Variants in PKP2 observed in about 807,000 individuals in gnomAD.
The protein encoded by PKP2 is plakophilin 2.
A neutral mutation model predicts 83.4 loss-of-function variants in PKP2; 73 were observed. The ratio of observed to expected loss-of-function variants is 0.88; its 90% CI spans 0.72 to 1.06. The LOEUF (loss-of-function observed/expected upper bound fraction) is 1.06. Ranked by LOEUF, PKP2 falls within the 50% of genes least tolerant of loss-of-function variation. The probability of loss-of-function intolerance (pLI) is 0.00; values close to 1 mark genes in which losing one functional copy is unlikely to be tolerated. For missense variants in PKP2, 966 were observed against 1,065.4 expected, an observed-to-expected ratio of 0.91 and a Z score of 1.30; for synonymous variants, 409 against 430.4, an observed-to-expected ratio of 0.95 and a Z score of 0.62.
intron 6 of PKP2, among the ~76,000 whole-genome samples, chr12:32,832,181 A>G (rs1214491659): frequency 6.6e-6 from 1 of 152,122 alleles, no homozygotes; most frequent in Admixed American, 6.5e-5. Context: ...GATTGAGACT[A>G]TCCTGGCCAA....
In PKP2 at chr12:32,816,314, G is replaced by A. The variant is rs533999199; in HGVS notation, c.2013+5042C>T. ...TGAGTAACCATGGTTTAACTCCCAC[G>A]TATAAGTGGGAGAATATGTGGTATT... On this transcript the variant is annotated intron_variant, in intron 9 of 12. Transcript: ENST00000340811. 2.0e-4 allele frequency among the ~76,000 whole-genome samples: 31 copies of A among 152,152 alleles called. No individual in the cohort carries two copies. In the South Asian group the frequency reaches 6.0e-3, roughly 30 times the overall value.
intron 1 of PKP2, among the ~76,000 whole-genome samples, chr12:32,883,142 G>T: frequency 6.6e-6 from 1 of 152,020 alleles, no homozygotes; most frequent in East Asian, 1.9e-4. Context: ...TTGGAAACAG[G>T]GAAAAAAATA....
intron 6 of PKP2, among the ~76,000 whole-genome samples, chr12:32,839,325 GA>G (rs1956568575): frequency 6.7e-6 from 1 of 148,918 alleles, no homozygotes; most frequent in South Asian, 2.1e-4. Context: ...TCAAGGCCAG[GA>G]AAAAACTTTC....
chr12:32,801,518 C>T (rs148685039), intron 10 of PKP2, among the ~76,000 whole-genome samples: 12 of 152,260 alleles, frequency 7.9e-5, no homozygotes, highest in Non-Finnish European at 1.8e-4. Flanking sequence ...TGCTGGCTGG[C>T]TTTGAAAATG....
intron 6 of PKP2, among the ~76,000 whole-genome samples, chr12:32,827,358 T>C (rs1296344458): frequency 1.3e-5 from 2 of 152,224 alleles, no homozygotes; most frequent in East Asian, 3.8e-4. Context: ...TCAAAAATAG[T>C]TCCCACCTTA....
At chr12:32,873,622 TG>T (rs1252330443) in intron 3 of PKP2, among the ~76,000 whole-genome samples, 2 of 151,668 alleles carry the variant, frequency 1.3e-5, no homozygotes, top group East Asian at 3.9e-4. Context: ...CTCCGCCTCC[TG>T]GGTTCAAGCA....
At position 32,821,476 on chromosome 12, in the gene PKP2, C is replaced by A. The variant is rs879110663; in HGVS notation, c.1893G>T (p.Glu631Asp). 7 of 1,614,036 alleles carry A rather than the reference C, an allele frequency of 4.3e-6. No individual in the cohort carries two copies. Among genetic ancestry groups the A allele is most frequent in the Non-Finnish European group, 4.2e-6 (5 of 1,179,960 alleles). ...TTATAACAATGGAATGCCACAGCCA[C>A]TCCACGCCCTTGGGGTTGCTCTTTT... ...PEEKSNPKGV[E>D]WLWHSIVIRM... Residue 631 changes from glutamate (E) to aspartate (D), a missense_variant, in exon 9 of 13, where the codon GAG (glutamate) becomes GAT (aspartate). Physicochemically the swap from Glu to Asp is conservative, Grantham distance 45. Transcript: ENST00000340811.
intron 10 of PKP2, among the ~76,000 whole-genome samples, chr12:32,797,624 C>T (rs186953858): frequency 0.022 from 3,242 of 147,110 alleles, 114 homozygotes; most frequent in African/African-American, 0.077. Flanking sequence ...GGCGCGATCT[C>T]GGCTCTCTGC....
intron 9 of PKP2, chr12:32,820,687 G>A (rs1956367168): frequency 6.5e-6 from 1 of 153,204 alleles, no homozygotes; most frequent in South Asian, 2.1e-4. Context: ...TGGTACAAGT[G>A]GCAGTGGCCC....
chr12:32,841,334 C>G, intron 5 of PKP2, 129 bp from the exon 6 acceptor site: 1 of 715,590 alleles, frequency 1.4e-6, no homozygotes, highest in South Asian at 1.5e-5. Context: ...GTTGGGGGGC[C>G]AGCCTCTTTC....
chr12:32,820,384 C>A lies in PKP2; in HGVS notation c.2013+972G>T, dbSNP rs1185946681. 3 of 152,132 alleles carry A rather than the reference C, an allele frequency of 2.0e-5. No homozygotes were observed. In the East Asian group the frequency reaches 5.8e-4, roughly 29 times the overall value. 9.4% of individuals were successfully genotyped at this position (152,132 alleles called of 1,614,324 possible). ...CTTAGTTTAAATCATTAAATACTTA[C>A]AGAATACCTTAATATATAGGAAGGG... is the stretch of plus-strand genomic sequence containing the variant. On this transcript the variant is annotated intron_variant, in intron 9 of 12. Coordinates refer to ENST00000340811, the MANE Select transcript of PKP2 (RefSeq NM_001005242.3).
At chr12:32,801,992 T>A (rs1486917798) in intron 10 of PKP2, among the ~76,000 whole-genome samples, 1 of 152,188 alleles carries the variant, frequency 6.6e-6, no homozygotes, top group Non-Finnish European at 1.5e-5. Flanking sequence ...CCACTATATG[T>A]GTTTTTCAAA....
intron 4 of PKP2, among the ~76,000 whole-genome samples, chr12:32,851,923 A>G (rs1401628514): frequency 1.3e-5 from 2 of 152,250 alleles, no homozygotes; most frequent in African/African-American, 2.4e-5. Context: ...AGCGCATGCT[A>G]TTAGAGAAAG....
intron 9 of PKP2, among the ~76,000 whole-genome samples, chr12:32,806,041 C>T (rs762636707): frequency 9.2e-5 from 14 of 152,208 alleles, no homozygotes; most frequent in Non-Finnish European, 1.9e-4. Context: ...TTGAACCAAC[C>T]TTGCATCCTG....
chr12:32,796,907 T>A (rs1956131276), intron 10 of PKP2, among the ~76,000 whole-genome samples: 1 of 152,154 alleles, frequency 6.6e-6, no homozygotes, highest in Non-Finnish European at 1.5e-5. Context: ...TAGGAATACA[T>A]CTTAAAAATA....
chr12:32,876,805 C>T (rs556228829), intron 3 of PKP2, among the ~76,000 whole-genome samples: 17 of 152,236 alleles, frequency 1.1e-4, no homozygotes, highest in Non-Finnish European at 2.1e-4. Context: ...GCTGGGATTA[C>T]AGGCCTGGGC....
chr12:32,814,840 A>T (rs540572477), intron 9 of PKP2, among the ~76,000 whole-genome samples: 1 of 151,884 alleles, frequency 6.6e-6, no homozygotes, highest in East Asian at 1.9e-4. Flanking sequence ...TAGGAGAATC[A>T]CTTGAACCCA....
intron 1 of PKP2, among the ~76,000 whole-genome samples, chr12:32,884,721 T>C (rs1040549094): frequency 2.0e-5 from 3 of 152,146 alleles, no homozygotes; most frequent in African/African-American, 7.2e-5. Context: ...TTTTCATGAA[T>C]TAGTCTATTC....
intron 10 of PKP2, among the ~76,000 whole-genome samples, chr12:32,797,691 G>A (rs1217658468): frequency 6.6e-6 from 1 of 151,488 alleles, no homozygotes; most frequent in Non-Finnish European, 1.5e-5. Flanking sequence ...GAGTAGCTGG[G>A]ATTACAGGTG....
Sources: allele counts gnomAD v4.1 joint callset (sites outside exome capture counted in the v4.1 genomes callset), GRCh38; gene constraint gnomAD v4.1.1; transcripts MANE v1.5; gene names NCBI Gene and HGNC (gene_info 2026-07-23, HGNC 2026-07-21).